Variants in MBD5 observed in about 807,000 individuals in gnomAD.
MBD5 encodes the protein methyl-CpG binding domain protein 5.
In MBD5, 13 loss-of-function variants were observed where a neutral mutation model predicts 117.3. The observed-to-expected ratio is 0.11, with a 90% CI of 0.07 to 0.18. The LOEUF (loss-of-function observed/expected upper bound fraction) is 0.18. Ranked by LOEUF, MBD5 falls within the 10% of genes least tolerant of loss-of-function variation. MBD5 has a pLI of 1.00. For missense variants in MBD5, 1,879 were observed against 2,093.8 expected (o/e 0.90, Z 2.00); for synonymous variants, 727 against 766.4 (o/e 0.95, Z 0.85).
intron 3 of MBD5, among the ~76,000 whole-genome samples, chr2:148,289,450 A>G (rs1031155757): frequency 2.6e-5 from 4 of 152,182 alleles, no homozygotes; most frequent in Non-Finnish European, 5.9e-5. Context: ...GTGGGTAGGT[A>G]TAATTAGTAC....
At chr2:148,081,288 A>G (rs191567044) in intron 1 of MBD5, among the ~76,000 whole-genome samples, 4 of 152,296 alleles carry the variant, frequency 2.6e-5, no homozygotes, top group Admixed American at 2.6e-4. Flanking sequence ...AAATTGTTAT[A>G]TCTTTAGCAT....
chr2:148,247,295 A>G (rs1481738361), intron 3 of MBD5, among the ~76,000 whole-genome samples: 2 of 152,232 alleles, frequency 1.3e-5, no homozygotes, highest in Non-Finnish European at 2.9e-5. Context: ...TAGTTCTTAA[A>G]GAGCCTCTGT....
chr2:148,351,852 G>T (rs75408030), intron 4 of MBD5, among the ~76,000 whole-genome samples: 6 of 152,124 alleles, frequency 3.9e-5, no homozygotes, highest in African/African-American at 1.4e-4. Context: ...TGTCCTTCAT[G>T]TCAGATAACA....
At chr2:148,325,973 A>G (rs934507439) in intron 3 of MBD5, among the ~76,000 whole-genome samples, 10 of 152,190 alleles carry the variant, frequency 6.6e-5, no homozygotes, top group Admixed American at 6.5e-4. Flanking sequence ...GTGGGCATTT[A>G]GTGCTATAAA....
At chr2:148,160,066 G>C (rs1697969466) in intron 1 of MBD5, among the ~76,000 whole-genome samples, 1 of 152,166 alleles carries the variant, frequency 6.6e-6, no homozygotes, top group African/African-American at 2.4e-5. Context: ...CACCTGTGGG[G>C]TTTTCTAGAC....
In MBD5 at chr2:148,183,995, C is replaced by T. The variant is rs79817138; in HGVS notation, c.-831+5202C>T. Reference sequence around the variant, plus strand: ...ATGATGTTTTTGGCCTGTTCAACTCCATCATTCCTTCAAATACATCCTTCT... The same window carrying T: ...ATGATGTTTTTGGCCTGTTCAACTCTATCATTCCTTCAAATACATCCTTCT... On this transcript the variant is annotated intron_variant, in intron 2 of 13. Transcript: ENST00000642680. 1.9e-3 allele frequency among the ~76,000 whole-genome samples: 293 copies of T among 151,060 alleles called. 9 individuals carry two copies. The East Asian group carries it at 0.055, about 28-fold the overall frequency.
intron 2 of MBD5, among the ~76,000 whole-genome samples, chr2:148,214,206 A>C (rs954833137): frequency 1.3e-5 from 2 of 152,170 alleles, no homozygotes; most frequent in Non-Finnish European, 2.9e-5. Flanking sequence ...GCCAGACGGT[A>C]ATATTTTAGG....
intron 1 of MBD5, among the ~76,000 whole-genome samples, chr2:148,171,584 C>G (rs904710624): frequency 2.9e-4 from 44 of 152,166 alleles, no homozygotes; most frequent in African/African-American, 9.9e-4. Flanking sequence ...ACTGTTACCT[C>G]TCTTTCTCAT....
At chr2:148,445,287 T>TA (rs1706456969) in intron 4 of MBD5, among the ~76,000 whole-genome samples, 1 of 149,392 alleles carries the variant, frequency 6.7e-6, no homozygotes, top group African/African-American at 2.5e-5. Flanking sequence ...CCCTCCCCGC[T>TA]CCCCCCACCC....
At chr2:148,283,029 G>A (rs1382028887) in intron 3 of MBD5, among the ~76,000 whole-genome samples, 1 of 151,808 alleles carries the variant, frequency 6.6e-6, no homozygotes, top group Non-Finnish European at 1.5e-5. Flanking sequence ...GAAGATCTAG[G>A]TTCAAGTAGA....
chr2:148,308,367 T>G (rs1701944293), intron 3 of MBD5, among the ~76,000 whole-genome samples: 1 of 152,210 alleles, frequency 6.6e-6, no homozygotes, highest in Non-Finnish European at 1.5e-5. Context: ...ATTGTGGTTT[T>G]GATTTACATT....
chr2:148,059,426 A>C (rs966578342), intron 1 of MBD5, among the ~76,000 whole-genome samples: 2 of 152,260 alleles, frequency 1.3e-5, no homozygotes. Flanking sequence ...CATACAGTAA[A>C]ACAATTTTAC....
chr2:148,360,688 G>A (rs1703506748), intron 4 of MBD5, among the ~76,000 whole-genome samples: 2 of 152,064 alleles, frequency 1.3e-5, no homozygotes, highest in African/African-American at 4.8e-5. Context: ...CTGCATTGCT[G>A]ATATTTACTG....
intron 4 of MBD5, among the ~76,000 whole-genome samples, chr2:148,364,199 TAAAGA>T (rs1703627979): frequency 6.6e-6 from 1 of 152,100 alleles, no homozygotes; most frequent in Non-Finnish European, 1.5e-5. Context: ...TCAACATTCT[TAAAGA>T]AAAGAATTTT....
intron 3 of MBD5, among the ~76,000 whole-genome samples, chr2:148,273,646 C>A (rs1394043598): frequency 6.6e-6 from 1 of 152,148 alleles, no homozygotes; most frequent in African/African-American, 2.4e-5. Flanking sequence ...TCCACATTCT[C>A]TAGCCTTCTA....
At chr2:148,419,703 A>G (rs1222404008) in intron 4 of MBD5, among the ~76,000 whole-genome samples, 1 of 152,040 alleles carries the variant, frequency 6.6e-6, no homozygotes, top group Non-Finnish European at 1.5e-5. Context: ...TGCTTTTTAT[A>G]TGTTAGTATT....
chr2:148,286,036 C>T (rs955571785), intron 3 of MBD5, among the ~76,000 whole-genome samples: 8 of 151,814 alleles, frequency 5.3e-5, no homozygotes, highest in Non-Finnish European at 8.8e-5. Flanking sequence ...TTAGTATTTT[C>T]AGGTATCCAT....
intron 3 of MBD5, among the ~76,000 whole-genome samples, chr2:148,261,834 T>C (rs930341046): frequency 6.6e-6 from 1 of 152,230 alleles, no homozygotes; most frequent in Non-Finnish European, 1.5e-5. Context: ...TTGAGACATG[T>C]GATTCTTTCT....
At chr2:148,157,247 C>T (rs148597774) in intron 1 of MBD5, among the ~76,000 whole-genome samples, 5,188 of 152,004 alleles carry the variant, frequency 0.034, 242 homozygotes, top group African/African-American at 0.1. Context: ...ATCCACCTGT[C>T]ATCTACATTA....
Sources: allele counts gnomAD v4.1 joint callset (sites outside exome capture counted in the v4.1 genomes callset), GRCh38; gene constraint gnomAD v4.1.1; transcripts MANE v1.5; gene names NCBI Gene and HGNC (gene_info 2026-07-23, HGNC 2026-07-21).